The following PIGK variants were observed in gnomAD, a reference collection of about 807,000 sequenced individuals.
The protein encoded by PIGK is GPI-anchor transamidase.
PIGK carries 42 observed loss-of-function variants against 50.6 expected under a neutral mutation model. The observed-to-expected ratio is 0.83, with a 90% confidence interval of 0.65 to 1.07. PIGK has a LOEUF of 1.07. PIGK is among the 50% of genes least tolerant of loss of function. The pLI is 0.00. For missense variants in PIGK, 448 were observed against 488.7 expected, an observed-to-expected ratio of 0.92 and a Z score of 0.78; for synonymous variants, 151 against 156.0, an observed-to-expected ratio of 0.97 and a Z score of 0.24.
intron 3 of PIGK, chr1:77,195,486 C>T (rs1367649251): frequency 2.7e-6 from 2 of 751,990 alleles, no homozygotes; most frequent in African/African-American, 3.5e-5. Flanking sequence ...AAAAGAATGA[C>T]TATTAAAATG....
In PIGK at chr1:77,134,505, A is replaced by G. The variant is rs80005400; in HGVS notation, c.987-12146T>C. Among the ~76,000 whole-genome samples the G allele has an allele frequency of 2.0e-3, 302 of 152,310 alleles. 1 individual carries two copies. The highest frequency in any genetic ancestry group is 2.7e-3 in the Non-Finnish European group (186 of 68,022). On this transcript the variant is annotated intron_variant, in intron 9 of 10. Coordinates refer to ENST00000370812, the MANE Select transcript of PIGK (RefSeq NM_005482.3). ...TATGTCACTCTAGCCTAACACAGTC[A>G]CCAAAAATGTTGCTGGTGAAATTTC...
chr1:77,153,304 G>A (rs1323454207), intron 9 of PIGK, among the ~76,000 whole-genome samples: 1 of 152,052 alleles, frequency 6.6e-6, no homozygotes. Context: ...GGAGCAAAAC[G>A]AGTGGATGTC....
chr1:77,161,451 C>A, intron 7 of PIGK, 46 bp from the exon 8 acceptor site: 1 of 1,196,654 alleles, frequency 8.4e-7, no homozygotes, highest in Middle Eastern at 1.9e-4. Flanking sequence ...ATCATTATAA[C>A]AAAATGTTTT....
chr1:77,156,874 A>G (rs1655020445), intron 8 of PIGK, among the ~76,000 whole-genome samples: 1 of 152,328 alleles, frequency 6.6e-6, no homozygotes, highest in East Asian at 1.9e-4. Context: ...GATGAATATA[A>G]CATGGTCCTT....
At chr1:77,129,428 G>A in intron 9 of PIGK, 1 of 1,472,428 alleles carries the variant, frequency 6.8e-7, no homozygotes. Context: ...CTGAACTTAA[G>A]GGTTTAGATG....
intron 3 of PIGK, among the ~76,000 whole-genome samples, chr1:77,181,192 T>C (rs1272196609): frequency 6.6e-6 from 1 of 152,146 alleles, no homozygotes; most frequent in Non-Finnish European, 1.5e-5. Flanking sequence ...CATTATTATG[T>C]TGCCCAAACA....
intron 9 of PIGK, among the ~76,000 whole-genome samples, chr1:77,134,960 A>C (rs1293185920): frequency 6.6e-6 from 1 of 152,076 alleles, no homozygotes; most frequent in Non-Finnish European, 1.5e-5. Context: ...GATTATAACT[A>C]TTACACTGTG....
At chr1:77,126,327 T>C (rs1367787981) in intron 9 of PIGK, among the ~76,000 whole-genome samples, 3 of 152,182 alleles carry the variant, frequency 2.0e-5, no homozygotes, top group Non-Finnish European at 4.4e-5. Context: ...GAGGATTATT[T>C]GTATTGGCTT....
intron 10 of PIGK, among the ~76,000 whole-genome samples, chr1:77,117,910 C>T (rs906143379): frequency 3.9e-5 from 6 of 152,092 alleles, no homozygotes; most frequent in Non-Finnish European, 8.8e-5. Context: ...ACCACAGTGT[C>T]CTCAATTTAT....
chr1:77,217,414 T>C (rs570366772), intron 1 of PIGK, among the ~76,000 whole-genome samples: 10 of 152,154 alleles, frequency 6.6e-5, no homozygotes, highest in African/African-American at 2.4e-4. Flanking sequence ...TTTGAGAAAC[T>C]GAAAGAAAGT....
chr1:77,178,236 G>A lies in PIGK; in HGVS notation c.240-8841C>T, dbSNP rs114294593. ...ATTGCCTCATAATCAGTCAGAAACA[G>A]ACCATTGGTTCATTCCTCTTAACCC... On this transcript the variant is annotated intron_variant, in intron 3 of 10. Coordinates refer to ENST00000370812, the MANE Select transcript of PIGK (RefSeq NM_005482.3). 8.7e-3 allele frequency among the ~76,000 whole-genome samples: 1,329 copies of A among 152,308 alleles called. 24 individuals are homozygous for A. Among genetic ancestry groups the A allele is most frequent in the African/African-American group, 0.03 (1,261 of 41,568 alleles).
At chr1:77,095,752 T>C (rs1441065975) in intron 10 of PIGK, among the ~76,000 whole-genome samples, 6 of 152,036 alleles carry the variant, frequency 3.9e-5, no homozygotes, top group Non-Finnish European at 8.8e-5. Flanking sequence ...CAGGCATAAG[T>C]GGCATGGTAG....
chr1:77,133,066 G>A (rs1654414183), intron 9 of PIGK, among the ~76,000 whole-genome samples: 1 of 151,994 alleles, frequency 6.6e-6, no homozygotes, highest in Non-Finnish European at 1.5e-5. Context: ...ATTAGTTTAG[G>A]AAAATGTTTA....
chr1:77,141,151 C>T (rs1286938091), intron 9 of PIGK, among the ~76,000 whole-genome samples: 1 of 151,816 alleles, frequency 6.6e-6, no homozygotes, highest in Non-Finnish European at 1.5e-5. Context: ...AACTGCTTAC[C>T]AAGTATCTCT....
chr1:77,091,096 G>A lies in PIGK; in HGVS notation c.*1278C>T, dbSNP rs1484958744. 1 of 152,052 alleles carries A rather than the reference G, an allele frequency of 6.6e-6. No individual in the cohort carries two copies. Among genetic ancestry groups the A allele is most frequent in the East Asian group, 1.9e-4 (1 of 5,196 alleles). 9.4% of individuals were successfully genotyped at this position (152,052 alleles called of 1,614,324 possible). The stretch of plus-strand genomic sequence containing the variant: ...AAACAAAATTTAAAAAAAAATCTTT[G>A]CACTGAATAAAGATGAACACATAAA... On this transcript the variant is annotated 3_prime_UTR_variant, in exon 11 of 11. Coordinates refer to ENST00000370812, the MANE Select transcript of PIGK (RefSeq NM_005482.3).
intron 9 of PIGK, among the ~76,000 whole-genome samples, chr1:77,142,161 C>T (rs1254045463): frequency 6.6e-6 from 1 of 152,100 alleles, no homozygotes; most frequent in Non-Finnish European, 1.5e-5. Flanking sequence ...AAGTCAGCTA[C>T]ACTGGTAAGT....
rs1217840350 is a variant in PIGK, at chr1:77,206,725, T to C, written c.154A>G (p.Thr52Ala). The part of the protein sequence containing the change: ...HTNNWAVLVC[T>A]SRFWFNYRHV... ...CGATAATTAAACCAGAATCGGGATG[T>C]ACACACCTGAAGTATTAAAACAAAA... Residue 52 changes from threonine to alanine, a missense_variant, in exon 3 of 11, where the codon ACA becomes GCA. Transcript: ENST00000370812. The C allele has an allele frequency of 6.3e-7, 1 of 1,599,884 alleles. No homozygotes were observed. The highest frequency in any genetic ancestry group is 2.2e-5 in the East Asian group (1 of 44,770).
In PIGK at chr1:77,096,881, C is replaced by CTTTTTTTTTTTTTTTTTTTTTTTTTT. The variant is rs141858558; in HGVS notation, c.1072-4392_1072-4391insAAAAAAAAAAAAAAAAAAAAAAAAAA. Among the ~76,000 whole-genome samples, 14 of 124,278 alleles carry CTTTTTTTTTTTTTTTTTTTTTTTTTT rather than the reference C, an allele frequency of 1.1e-4. 1 individual carries two copies. The highest frequency in any genetic ancestry group is 1.6e-4 in the Admixed American group (2 of 12,790). 81.5% of individuals were successfully genotyped at this position (124,278 alleles called of 152,430 possible). On this transcript the variant is annotated intron_variant, in intron 10 of 10. Transcript: ENST00000370812. ...TCCATACTTGTAGCTTCGGGTTTTTCTTTTTTTTTTTTTTTTGTTTTTTTG... is the reference window on the plus strand; with the variant it reads ...TCCATACTTGTAGCTTCGGGTTTTTCTTTTTTTTTTTTTTTTTTTTTTTTTTTTTTTTTTTTTTTTTTGTTTTTTTG...
At chr1:77,123,093 C>T (rs1010734884) in intron 9 of PIGK, among the ~76,000 whole-genome samples, 1 of 151,952 alleles carries the variant, frequency 6.6e-6, no homozygotes, top group Admixed American at 6.5e-5. Flanking sequence ...CAATGAGATA[C>T]AAAGCTGATA....
Sources: gnomAD v4.1 joint callset for allele counts (sites outside exome capture counted in the v4.1 genomes callset) on GRCh38, gnomAD v4.1.1 for gene constraint, MANE v1.5 for transcripts, NCBI Gene and HGNC (gene_info 2026-07-23, HGNC 2026-07-21) for gene names.